The following IMMP2L variants were observed in gnomAD, a reference collection of about 807,000 sequenced individuals.
The protein encoded by IMMP2L is mitochondrial inner membrane protease subunit 2.
In IMMP2L, 18 loss-of-function variants were observed where a neutral mutation model predicts 19.3. The ratio of observed to expected loss-of-function variants is 0.93; its 90% CI spans 0.64 to 1.38. IMMP2L has a LOEUF of 1.38. Among genes scored for constraint, IMMP2L ranks in the 40% most tolerant of loss-of-function variants. The pLI, the probability that IMMP2L is intolerant of heterozygous loss-of-function variation, is 0.00. For missense variants in IMMP2L, 233 were observed against 218.2 expected (o/e 1.07, Z -0.43); for synonymous variants, 76 against 73.0 (o/e 1.04, Z -0.21).
At chr7:110,741,210 T>C (rs1300199219) in intron 5 of IMMP2L, among the ~76,000 whole-genome samples, 1 of 152,196 alleles carries the variant, frequency 6.6e-6, no homozygotes, top group East Asian at 1.9e-4. Flanking sequence ...GAAACTATTA[T>C]TCTAAGTAAT....
chr7:110,873,024 T>G lies in IMMP2L; in HGVS notation c.408+13569A>C, dbSNP rs187051403. 2.0e-5 allele frequency among the ~76,000 whole-genome samples: 3 copies of G among 152,318 alleles called. No individual in the cohort carries two copies. The East Asian group carries it at 5.8e-4, about 29-fold the overall frequency. On this transcript the variant is annotated intron_variant, in intron 5 of 5. Coordinates refer to ENST00000405709, the MANE Select transcript of IMMP2L (RefSeq NM_032549.4). Reference sequence around the variant, plus strand: ...AGACAAGTGAAGTGACTTGTGATATTTGGGGGGAGCCCCCACCACAAAAAT... The same window carrying G: ...AGACAAGTGAAGTGACTTGTGATATGTGGGGGGAGCCCCCACCACAAAAAT...
At chr7:111,384,928 C>A (rs1445780858) in intron 3 of IMMP2L, among the ~76,000 whole-genome samples, 1 of 152,018 alleles carries the variant, frequency 6.6e-6, no homozygotes, top group Non-Finnish European at 1.5e-5. Flanking sequence ...TTACAGCACA[C>A]AAAGTACTTC....
chr7:111,377,147 G>A (rs865879450), intron 3 of IMMP2L, among the ~76,000 whole-genome samples: 1 of 151,466 alleles, frequency 6.6e-6, no homozygotes, highest in Non-Finnish European at 1.5e-5. Flanking sequence ...TTCTAATATT[G>A]GATTTTCCCC....
chr7:111,490,097 CTT>C (rs80065502), intron 2 of IMMP2L, among the ~76,000 whole-genome samples: 143 of 127,806 alleles, frequency 1.1e-3, no homozygotes, highest in African/African-American at 3.1e-3. Context: ...CGCCTGCCCT[CTT>C]TTTTTTTTTT....
At chr7:111,237,047 T>A (rs1326230211) in intron 3 of IMMP2L, among the ~76,000 whole-genome samples, 1 of 152,072 alleles carries the variant, frequency 6.6e-6, no homozygotes, top group East Asian at 1.9e-4. Flanking sequence ...GACGTTTCCA[T>A]AACACGGAAT....
intron 4 of IMMP2L, among the ~76,000 whole-genome samples, chr7:110,918,399 G>T (rs576472460): frequency 6.6e-6 from 1 of 150,882 alleles, no homozygotes; most frequent in Non-Finnish European, 1.5e-5. Flanking sequence ...CCTTATTTAA[G>T]ATGTGTGAGC....
At chr7:110,937,238 AG>A (rs1816221037) in intron 4 of IMMP2L, among the ~76,000 whole-genome samples, 1 of 152,180 alleles carries the variant, frequency 6.6e-6, no homozygotes, top group Admixed American at 6.5e-5. Flanking sequence ...AAGTGAAAAA[AG>A]CCAAAAATAA....
At chr7:111,273,895 G>C (rs561907848) in intron 3 of IMMP2L, among the ~76,000 whole-genome samples, 1 of 152,220 alleles carries the variant, frequency 6.6e-6, no homozygotes, top group African/African-American at 2.4e-5. Flanking sequence ...AAAGTCATCA[G>C]TTTGATTTAT....
chr7:111,049,231 C>G (rs1792768351), intron 3 of IMMP2L, among the ~76,000 whole-genome samples: 1 of 147,390 alleles, frequency 6.8e-6, no homozygotes, highest in Admixed American at 6.9e-5. Context: ...CCCGGGTTCA[C>G]GCCATTCTTC....
rs565318247 is a variant in IMMP2L at position 111,425,903 on chromosome 7, T to C, written c.239+61335A>G. 1.3e-4 allele frequency among the ~76,000 whole-genome samples: 20 copies of C among 151,382 alleles called. 2 individuals carry two copies. Among genetic ancestry groups the C allele is most frequent in the South Asian group, 4.2e-4 (2 of 4,808 alleles). On this transcript the variant is annotated intron_variant, in intron 3 of 5. Coordinates refer to ENST00000405709, the MANE Select transcript of IMMP2L (RefSeq NM_032549.4). ...TCAAACATATAATTTATTCATCTAC[T>C]CCTTCATTTATTCCACAAATACATG... is the stretch of plus-strand genomic sequence containing the variant.
chr7:111,252,661 A>C (rs1401926182), intron 3 of IMMP2L, among the ~76,000 whole-genome samples: 1 of 152,174 alleles, frequency 6.6e-6, no homozygotes, highest in Non-Finnish European at 1.5e-5. Context: ...GTCCTTGAGC[A>C]TTTAAATTAA....
At chr7:111,070,571 A>G (rs1008365040) in intron 3 of IMMP2L, among the ~76,000 whole-genome samples, 1 of 152,176 alleles carries the variant, frequency 6.6e-6, no homozygotes, top group Non-Finnish European at 1.5e-5. Flanking sequence ...TGTTTTTGCA[A>G]AAGAGACTTT....
At chr7:110,822,115 T>C (rs1803086959) in intron 5 of IMMP2L, among the ~76,000 whole-genome samples, 1 of 152,034 alleles carries the variant, frequency 6.6e-6, no homozygotes. Context: ...AATTCATCAT[T>C]TTGCCCCTAA....
chr7:110,782,188 C>A (rs60559352), intron 5 of IMMP2L, among the ~76,000 whole-genome samples: 1 of 151,858 alleles, frequency 6.6e-6, no homozygotes, highest in African/African-American at 2.4e-5. Flanking sequence ...AAGAGAGATT[C>A]TGAGATATCC....
chr7:111,429,237 G>A (rs1057271823), intron 3 of IMMP2L, among the ~76,000 whole-genome samples: 2 of 151,888 alleles, frequency 1.3e-5, no homozygotes, highest in African/African-American at 4.9e-5. Flanking sequence ...GTACACACAT[G>A]TGGGGCCTGG....
intron 5 of IMMP2L, among the ~76,000 whole-genome samples, chr7:110,844,889 C>T (rs551083522): frequency 1.1e-4 from 17 of 151,832 alleles, no homozygotes; most frequent in Non-Finnish European, 1.9e-4. Flanking sequence ...ACATAAAAGT[C>T]GGTGGAGTCA....
intron 3 of IMMP2L, among the ~76,000 whole-genome samples, chr7:111,359,473 T>C (rs1829048720): frequency 6.6e-6 from 1 of 152,000 alleles, no homozygotes; most frequent in Non-Finnish European, 1.5e-5. Context: ...GGCTAATTTT[T>C]GTATTTTTAG....
chr7:110,915,522 G>A (rs962901386), intron 4 of IMMP2L, among the ~76,000 whole-genome samples: 3 of 152,106 alleles, frequency 2.0e-5, no homozygotes, highest in South Asian at 2.1e-4. Flanking sequence ...AGATAAATAC[G>A]TTCTGAAGAT....
At chr7:111,118,705 A>C (rs756757442) in intron 3 of IMMP2L, among the ~76,000 whole-genome samples, 1 of 152,168 alleles carries the variant, frequency 6.6e-6, no homozygotes, top group Non-Finnish European at 1.5e-5. Flanking sequence ...CAAATAGCCC[A>C]TACTAAATAG....
Sources: gnomAD v4.1 joint callset for allele counts (sites outside exome capture counted in the v4.1 genomes callset) on GRCh38, gnomAD v4.1.1 for gene constraint, MANE v1.5 for transcripts, NCBI Gene and HGNC (gene_info 2026-07-23, HGNC 2026-07-21) for gene names.